The following FAM193A variants were observed in gnomAD, a reference collection of about 807,000 sequenced individuals.
The protein encoded by FAM193A is protein FAM193A.
Under a neutral mutation model 126.5 loss-of-function variants are expected in FAM193A, and 22 were observed. The observed-to-expected ratio is 0.17, with a 90% CI of 0.12 to 0.25. The LOEUF (loss-of-function observed/expected upper bound fraction) is 0.25, where lower values mean the gene tolerates loss of function less well. FAM193A is among the 10% of genes least tolerant of loss of function. FAM193A has a pLI of 1.00. For synonymous variants in FAM193A, 761 were observed against 646.8 expected, an observed-to-expected ratio of 1.18 and a Z score of -2.68; for missense variants, 1,675 against 1,672.8, an observed-to-expected ratio of 1.00 and a Z score of -0.02.
chr4:2,619,157 A>C (rs1412184412), intron 2 of FAM193A, among the ~76,000 whole-genome samples: 5 of 151,842 alleles, frequency 3.3e-5, no homozygotes, highest in Admixed American at 2.0e-4. Flanking sequence ...CATTTGGTTT[A>C]TTTATTTATT....
chr4:2,619,463 AATTTTTGT>A (rs1027269935), intron 2 of FAM193A, among the ~76,000 whole-genome samples: 48 of 151,336 alleles, frequency 3.2e-4, no homozygotes, highest in African/African-American at 9.2e-4. Flanking sequence ...CCACCATGCT[AATTTTTGT>A]ATTTTTGTAT....
At chr4:2,649,635 A>G (rs1270115065) in intron 7 of FAM193A, among the ~76,000 whole-genome samples, 2 of 152,092 alleles carry the variant, frequency 1.3e-5, no homozygotes, top group East Asian at 3.9e-4. Context: ...TCATGCCACC[A>G]CACTCCATCC....
intron 5 of FAM193A, among the ~76,000 whole-genome samples, chr4:2,632,504 A>G (rs921338046): frequency 6.6e-6 from 1 of 152,326 alleles, no homozygotes; most frequent in Admixed American, 6.5e-5. Flanking sequence ...GGCTGTGGTG[A>G]GCCAGTGTAC....
chr4:2,693,218 CTG>C (rs1367503167), intron 15 of FAM193A, among the ~76,000 whole-genome samples: 2 of 152,124 alleles, frequency 1.3e-5, no homozygotes, highest in African/African-American at 2.4e-5. Context: ...TGCGGTTTCA[CTG>C]TGTTAGTCAG....
At chr4:2,691,331 T>G (rs1716354950) in intron 15 of FAM193A, among the ~76,000 whole-genome samples, 1 of 152,218 alleles carries the variant, frequency 6.6e-6, no homozygotes, top group South Asian at 2.1e-4. Flanking sequence ...TTCTCCTACC[T>G]CAGCCTCCCA....
chr4:2,616,512 T>C (rs1348019646), intron 2 of FAM193A, among the ~76,000 whole-genome samples: 2 of 152,136 alleles, frequency 1.3e-5, no homozygotes, highest in Non-Finnish European at 2.9e-5. Flanking sequence ...TTGCATTTTT[T>C]CTCCTGTTTT....
At position 2,696,523 on chromosome 4, in the gene FAM193A, T is replaced by C. The variant is rs1303704524; in HGVS notation, c.3437T>C (p.Ile1146Thr). 6.2e-7 allele frequency: 1 copy of C among 1,614,194 alleles called. No homozygotes were observed. The highest frequency in any genetic ancestry group is 8.5e-7 in the Non-Finnish European group (1 of 1,180,026). ...AGGGTGGAGGATTTGTTGCAGTTTATAAATAGCTCCGAAACCAAACCAGTG... is the reference window on the plus strand; with the variant it reads ...AGGGTGGAGGATTTGTTGCAGTTTACAAATAGCTCCGAAACCAAACCAGTG... Reference protein sequence around the residue: ...HRRVEDLLQFINSSETKPVSS... With the variant: ...HRRVEDLLQFTNSSETKPVSS... Residue 1146 changes from isoleucine to threonine, a missense_variant, in exon 18 of 21, where the codon ATA becomes ACA. By Grantham distance (89) the Ile-to-Thr change is moderately conservative. This residue lies in a region of FAM193A where 54 missense variants were observed against 114.8 expected (regional missense o/e 0.47). Coordinates refer to ENST00000637812, the MANE Select transcript of FAM193A (RefSeq NM_001366318.2).
chr4:2,622,168 G>A (rs1005525365), intron 2 of FAM193A, among the ~76,000 whole-genome samples: 15 of 145,562 alleles, frequency 1.0e-4, no homozygotes, highest in Admixed American at 3.6e-4. Context: ...GAGGTGAGAC[G>A]ATTGCTTGAG....
chr4:2,708,697 A>G (rs1718587111), intron 19 of FAM193A, among the ~76,000 whole-genome samples: 1 of 152,084 alleles, frequency 6.6e-6, no homozygotes, highest in African/African-American at 2.4e-5. Flanking sequence ...TCCAGACCTC[A>G]AGTGATCTGC....
intron 1 of FAM193A, among the ~76,000 whole-genome samples, chr4:2,595,829 T>C (rs1330235098): frequency 6.6e-6 from 1 of 152,214 alleles, no homozygotes; most frequent in African/African-American, 2.4e-5. Context: ...GGAAAAGTAA[T>C]ACAGAAGTCA....
intron 2 of FAM193A, among the ~76,000 whole-genome samples, chr4:2,611,177 A>C (rs939515055): frequency 1.3e-5 from 2 of 152,160 alleles, no homozygotes; most frequent in Non-Finnish European, 2.9e-5. Context: ...ATCTTTGCCA[A>C]GTGCTGGATA....
intron 5 of FAM193A, among the ~76,000 whole-genome samples, chr4:2,635,118 C>G (rs898058196): frequency 2.0e-5 from 3 of 152,166 alleles, no homozygotes. Context: ...TGAAGACTGA[C>G]GGTAATAGTA....
At chr4:2,571,034 T>G (rs940390234) in intron 1 of FAM193A, among the ~76,000 whole-genome samples, 1 of 152,172 alleles carries the variant, frequency 6.6e-6, no homozygotes, top group Non-Finnish European at 1.5e-5. Flanking sequence ...GTGCTGTGGC[T>G]CTCTCCCTAT....
chr4:2,617,780 T>G (rs1742301225), intron 2 of FAM193A, among the ~76,000 whole-genome samples: 1 of 152,190 alleles, frequency 6.6e-6, no homozygotes, highest in Non-Finnish European at 1.5e-5. Context: ...TTTTCTTACA[T>G]GTATTATACA....
chr4:2,705,736 C>T (rs1210353944), intron 19 of FAM193A, among the ~76,000 whole-genome samples: 4 of 148,976 alleles, frequency 2.7e-5, no homozygotes, highest in South Asian at 2.2e-4. Flanking sequence ...ACTACAGGCA[C>T]GTGCCACCAT....
rs17681870 is a variant in FAM193A at position 2,700,388 on chromosome 4, A to G, written c.4216A>G (p.Ile1406Val). Residue 1406 changes from isoleucine to valine, a missense_variant, in exon 19 of 21, where the codon ATC becomes GTC. By Grantham distance (29) the Ile-to-Val change is conservative (BLOSUM62 3). Transcript: ENST00000637812. ...CAATAACAAAAAGCAGCTGAACCAC[A>G]TCAAGGACGAAAAGTCAAACCCAAC... The part of the protein sequence containing the change: ...NNNNKKQLNH[I>V]KDEKSNPTPM... 63,031 of 1,614,092 alleles carry G rather than the reference A, an allele frequency of 0.039. 1,532 individuals are homozygous for G. The highest frequency in any genetic ancestry group is 0.091 in the Middle Eastern group (552 of 6,062).
intron 2 of FAM193A, among the ~76,000 whole-genome samples, chr4:2,598,007 C>T (rs963288488): frequency 1.3e-5 from 2 of 152,128 alleles, no homozygotes; most frequent in South Asian, 2.1e-4. Flanking sequence ...CGGGTTCAAG[C>T]AATTCTTCTG....
chr4:2,548,407 G>T (rs1289279701), intron 1 of FAM193A, among the ~76,000 whole-genome samples: 1 of 151,878 alleles, frequency 6.6e-6, no homozygotes, highest in East Asian at 1.9e-4. Context: ...CCATGATTCT[G>T]AATTCAAATC....
At chr4:2,660,792 C>T (rs1399449954) in intron 10 of FAM193A, among the ~76,000 whole-genome samples, 1 of 152,210 alleles carries the variant, frequency 6.6e-6, no homozygotes, top group African/African-American at 2.4e-5. Context: ...GTCTGGATTT[C>T]TCATGGTGAC....
Sources: allele counts gnomAD v4.1 joint callset (sites outside exome capture counted in the v4.1 genomes callset), GRCh38; gene constraint gnomAD v4.1.1; regional missense constraint gnomAD v4.1.1; transcripts MANE v1.5; gene names NCBI Gene and HGNC (gene_info 2026-07-23, HGNC 2026-07-21).